Variants in XRCC4 observed in about 807,000 individuals in gnomAD.
The protein encoded by XRCC4 is DNA repair protein XRCC4.
Under a neutral mutation model 39.1 loss-of-function variants are expected in XRCC4, and 28 were observed. The observed-to-expected ratio is 0.72, with a 90% confidence interval of 0.53 to 0.98. XRCC4 has a LOEUF of 0.98. Ranked by LOEUF, XRCC4 falls within the 50% of genes least tolerant of loss-of-function variation. The pLI is 0.00. For synonymous variants in XRCC4, 123 were observed against 126.4 expected, an observed-to-expected ratio of 0.97 and a Z score of 0.18; for missense variants, 350 against 376.4, an observed-to-expected ratio of 0.93 and a Z score of 0.58.
At chr5:83,288,251 G>T (rs1292002236) in intron 7 of XRCC4, among the ~76,000 whole-genome samples, 1 of 151,792 alleles carries the variant, frequency 6.6e-6, no homozygotes, top group South Asian at 2.1e-4. Flanking sequence ...GGTGTTGGAT[G>T]GAAGATTCTA....
intron 3 of XRCC4, among the ~76,000 whole-genome samples, chr5:83,167,140 C>A (rs1297225403): frequency 6.6e-6 from 1 of 152,124 alleles, no homozygotes; most frequent in Non-Finnish European, 1.5e-5. Flanking sequence ...CCTTGGCCTC[C>A]CAAAGTGCTC....
chr5:83,083,915 C>T (rs549922037), intron 1 of XRCC4, among the ~76,000 whole-genome samples: 1 of 152,258 alleles, frequency 6.6e-6, no homozygotes, highest in South Asian at 2.1e-4. Flanking sequence ...GAAGCCTTCC[C>T]TAAAATGTCA....
At chr5:83,238,958 T>C (rs1361274846) in intron 6 of XRCC4, among the ~76,000 whole-genome samples, 1 of 152,232 alleles carries the variant, frequency 6.6e-6, no homozygotes, top group Non-Finnish European at 1.5e-5. Context: ...GGCTGGTATC[T>C]CTTTAGAAAA....
chr5:83,172,212 C>T (rs956398868), intron 3 of XRCC4, among the ~76,000 whole-genome samples: 7 of 152,130 alleles, frequency 4.6e-5, no homozygotes, highest in African/African-American at 1.7e-4. Context: ...TTCTGAACTA[C>T]ACTGAGAGAA....
At chr5:83,306,617 G>A (rs1032778672) in intron 7 of XRCC4, among the ~76,000 whole-genome samples, 1 of 152,188 alleles carries the variant, frequency 6.6e-6, no homozygotes, top group Non-Finnish European at 1.5e-5. Context: ...CTCAGCCATT[G>A]TTGTTTGATA....
chr5:83,233,336 CT>C (rs973229956), intron 6 of XRCC4, among the ~76,000 whole-genome samples: 3 of 152,132 alleles, frequency 2.0e-5, no homozygotes, highest in Non-Finnish European at 4.4e-5. Context: ...TTGATTCTGA[CT>C]TTTCTCTGGA....
chr5:83,174,974 G>A (rs781319373), intron 3 of XRCC4, among the ~76,000 whole-genome samples: 12 of 152,156 alleles, frequency 7.9e-5, no homozygotes, highest in Non-Finnish European at 1.6e-4. Context: ...CAGATAGTCT[G>A]ATTAATCGTT....
chr5:83,110,053 G>A (rs1746373235), intron 2 of XRCC4, among the ~76,000 whole-genome samples: 2 of 151,956 alleles, frequency 1.3e-5, no homozygotes, highest in African/African-American at 4.8e-5. Flanking sequence ...ATCGAGGTGA[G>A]AAATTAACTT....
chr5:83,141,839 T>G (rs557864334), intron 3 of XRCC4, among the ~76,000 whole-genome samples: 1 of 113,974 alleles, frequency 8.8e-6, no homozygotes, highest in Non-Finnish European at 1.8e-5. Flanking sequence ...TTCTGAATCT[T>G]GTACAAAAAA....
intron 7 of XRCC4, among the ~76,000 whole-genome samples, chr5:83,313,067 CTTTTCTTTTCTTTCT>C (rs1196099882): frequency 8.2e-6 from 1 of 122,256 alleles, no homozygotes; most frequent in African/African-American, 3.0e-5. Context: ...TCTCTTTTTT[CTTTTCTTTTCTTTCT>C]TTTTTTTTTT....
At chr5:83,100,405 G>A (rs939399655) in intron 1 of XRCC4, among the ~76,000 whole-genome samples, 7 of 151,992 alleles carry the variant, frequency 4.6e-5, no homozygotes, top group African/African-American at 1.7e-4. Context: ...TGTGAAAGTA[G>A]AAGGAGTTAC....
intron 3 of XRCC4, among the ~76,000 whole-genome samples, chr5:83,118,197 G>T (rs764700098): frequency 1.2e-4 from 18 of 151,656 alleles, no homozygotes; most frequent in African/African-American, 1.9e-4. Context: ...TAGCATAGAG[G>T]TTTATTTTTC....
At chr5:83,178,460 T>C (rs1057034997) in intron 3 of XRCC4, among the ~76,000 whole-genome samples, 18 of 152,124 alleles carry the variant, frequency 1.2e-4, no homozygotes, top group African/African-American at 4.3e-4. Context: ...ACCAAAACAC[T>C]ACTACAAAAA....
chr5:83,261,639 T>C (rs1219390104), intron 7 of XRCC4, among the ~76,000 whole-genome samples: 1 of 151,440 alleles, frequency 6.6e-6, no homozygotes, highest in African/African-American at 2.4e-5. Context: ...TACAAGACTT[T>C]GTGCAAGTCA....
intron 7 of XRCC4, among the ~76,000 whole-genome samples, chr5:83,346,061 G>A (rs1241193268): frequency 3.9e-5 from 6 of 152,126 alleles, no homozygotes; most frequent in Admixed American, 2.6e-4. Context: ...ACGTTTTAGT[G>A]AGAGTATCAT....
intron 2 of XRCC4, among the ~76,000 whole-genome samples, chr5:83,110,608 T>C (rs1274748981): frequency 6.6e-6 from 1 of 152,102 alleles, no homozygotes; most frequent in Non-Finnish European, 1.5e-5. Context: ...TGTTTTACTC[T>C]GCCCATATGA....
intron 3 of XRCC4, among the ~76,000 whole-genome samples, chr5:83,166,722 C>T (rs1749495316): frequency 6.6e-6 from 1 of 151,444 alleles, no homozygotes; most frequent in Non-Finnish European, 1.5e-5. Flanking sequence ...GGTGATCTGC[C>T]TGCCTCGGCC....
chr5:83,374,285 G>A, the XRCC4 span, among the ~76,000 whole-genome samples: 4 of 152,124 alleles, frequency 2.6e-5, no homozygotes, highest in Non-Finnish European at 5.9e-5. Flanking sequence ...CCCTGATACT[G>A]TTCTCATGGT....
intron 7 of XRCC4, among the ~76,000 whole-genome samples, chr5:83,350,163 A>G (rs547400455): frequency 2.0e-5 from 3 of 152,284 alleles, no homozygotes; most frequent in Non-Finnish European, 2.9e-5. Flanking sequence ...CAGTCCACCA[A>G]TTATGGCCAC....
Sources: gnomAD v4.1 joint callset for allele counts (sites outside exome capture counted in the v4.1 genomes callset) on GRCh38, gnomAD v4.1.1 for gene constraint, MANE v1.5 for transcripts, NCBI Gene and HGNC (gene_info 2026-07-23, HGNC 2026-07-21) for gene names.